The following ADCY9 variants were observed in gnomAD, a reference collection of about 807,000 sequenced individuals.
The protein encoded by ADCY9 is adenylate cyclase type 9.
Under a neutral mutation model 101.5 loss-of-function variants are expected in ADCY9, and 50 were observed. That is an observed-to-expected ratio of 0.49 (90% CI 0.39 to 0.62). The LOEUF (loss-of-function observed/expected upper bound fraction) is 0.62, where lower values mean the gene tolerates loss of function less well. Ranked by LOEUF, ADCY9 falls within the 20% of genes least tolerant of loss-of-function variation. The pLI is 0.00. For synonymous variants in ADCY9, 905 were observed against 769.3 expected (o/e 1.18, Z -2.92); for missense variants, 1,662 against 1,800.4 (o/e 0.92, Z 1.39).
At chr16:4,110,912 G>A (rs185137999) in intron 2 of ADCY9, among the ~76,000 whole-genome samples, 155 of 152,210 alleles carry the variant, frequency 1.0e-3, no homozygotes, top group African/African-American at 3.5e-3. Context: ...TCCTCAATTC[G>A]GTCTGGCATC....
intron 9 of ADCY9, 101 bp from the exon 10 acceptor site, chr16:3,974,811 C>T (rs1222317391): frequency 3.9e-5 from 37 of 946,448 alleles, no homozygotes; most frequent in Middle Eastern, 2.2e-4. Context: ...CTTTTTTAGA[C>T]GTGGTTGTAC....
chr16:4,030,776 G>A (rs1281563503), intron 2 of ADCY9, among the ~76,000 whole-genome samples: 1 of 152,128 alleles, frequency 6.6e-6, no homozygotes, highest in Non-Finnish European at 1.5e-5. Flanking sequence ...GCAATTTATG[G>A]TGCCAGAAGT....
chr16:4,071,366 C>CAAAAAAAAAAAAAAAAAAAAAAAAAAA (rs1004438307), intron 2 of ADCY9, among the ~76,000 whole-genome samples: 4 of 89,248 alleles, frequency 4.5e-5, no homozygotes, highest in Non-Finnish European at 4.6e-5. Context: ...AAAAAAAAAT[C>CAAAAAAAAAAAAAAAAAAAAAAAAAAA]AAAAAAGTTG....
At chr16:4,009,397 A>G (rs1402027119) in intron 2 of ADCY9, among the ~76,000 whole-genome samples, 2 of 152,150 alleles carry the variant, frequency 1.3e-5, no homozygotes, top group Non-Finnish European at 1.5e-5. Flanking sequence ...CTGGGACTAC[A>G]AACGTCCGCC....
chr16:4,062,168 A>G (rs2056777309), intron 2 of ADCY9, among the ~76,000 whole-genome samples: 1 of 152,178 alleles, frequency 6.6e-6, no homozygotes, highest in African/African-American at 2.4e-5. Flanking sequence ...TTTAAAAGCT[A>G]TATATAGATC....
chr16:4,109,853 T>C (rs1281881891), intron 2 of ADCY9, among the ~76,000 whole-genome samples: 2 of 152,144 alleles, frequency 1.3e-5, no homozygotes, highest in African/African-American at 4.8e-5. Context: ...GCAAGTCAGA[T>C]CACCTAAGCC....
At chr16:4,076,746 G>A (rs2056869713) in intron 2 of ADCY9, among the ~76,000 whole-genome samples, 1 of 152,162 alleles carries the variant, frequency 6.6e-6, no homozygotes, top group Admixed American at 6.5e-5. Context: ...ACAAGGTCTT[G>A]CTCTGTTGCC....
intron 2 of ADCY9, among the ~76,000 whole-genome samples, chr16:4,104,380 T>A (rs759943288): frequency 9.9e-5 from 15 of 152,202 alleles, no homozygotes; most frequent in Non-Finnish European, 2.2e-4. Flanking sequence ...GCATTTAATA[T>A]AATAGTGTAC....
chr16:4,086,498 C>A (rs916622160), intron 2 of ADCY9, among the ~76,000 whole-genome samples: 1 of 152,026 alleles, frequency 6.6e-6, no homozygotes, highest in Non-Finnish European at 1.5e-5. Context: ...CGTGAGGAGA[C>A]GTCAGTGTCC....
Position 3,992,238 on chromosome 16 carries a change from C to T in ADCY9, c.2115G>A (p.Val705=). 6.2e-7 allele frequency: 1 copy of T among 1,614,234 alleles called. No individual in the cohort carries two copies. Residue 705 remains valine (V), a synonymous_variant, in exon 5 of 11, where the codon GTG becomes GTA. Coordinates refer to ENST00000294016, the MANE Select transcript of ADCY9 (RefSeq NM_001116.4). This position sits in a 1 kb window ranked among gnomAD's most constrained non-coding sequence, Gnocchi z 4.2. ...ILQEKGRWAG[V]SLDQSALLPL... is the part of the protein sequence containing the mutation. ...GAAGGAGAGCCGACTGGTCCAGGCT[C>T]ACCCCTGCCCACCTTCCCTTCTCCT...
At chr16:4,044,633 T>C (rs1052346209) in intron 2 of ADCY9, among the ~76,000 whole-genome samples, 1 of 151,984 alleles carries the variant, frequency 6.6e-6, no homozygotes, top group Non-Finnish European at 1.5e-5. Context: ...GCCACTTTAA[T>C]GTATATCAGT....
chr16:4,115,577 C>T lies in ADCY9; in HGVS notation c.-43-92G>A, dbSNP rs968417068. 2 of 1,098,536 alleles carry T rather than the reference C, an allele frequency of 1.8e-6. No individual in the cohort carries two copies. Among genetic ancestry groups the T allele is most frequent in the African/African-American group, 1.6e-5 (1 of 63,144 alleles). The allele number at this position is 1,098,536 out of a possible 1,614,324, so 68.0% of individuals were successfully genotyped here. On this transcript the variant is annotated intron_variant, in intron 1 of 10. Coordinates refer to ENST00000294016, the MANE Select transcript of ADCY9 (RefSeq NM_001116.4). The surrounding 1 kb of genome is among the most constrained non-coding windows in gnomAD (Gnocchi z 6.2). Reference sequence around the variant, plus strand: ...CTGCTCCTGTCCTAAGGGGCGGCTCCAGCACGCGACCTGGACAGGCACCAT... The same window carrying T: ...CTGCTCCTGTCCTAAGGGGCGGCTCTAGCACGCGACCTGGACAGGCACCAT...
At chr16:3,993,614 G>A (rs925609691) in intron 3 of ADCY9, 104 bp from the exon 4 acceptor site, 3 of 1,424,540 alleles carry the variant, frequency 2.1e-6, no homozygotes, top group Non-Finnish European at 2.9e-6. Flanking sequence ...CAGCATGGTG[G>A]TGAGCAAGGG....
intron 7 of ADCY9, 124 bp downstream of exon 7, chr16:3,983,108 C>T (rs2056158217): frequency 7.5e-6 from 7 of 927,336 alleles, no homozygotes; most frequent in Non-Finnish European, 1.1e-5. Context: ...GGGGACCCAT[C>T]TCCAGAAATC....
intron 2 of ADCY9, among the ~76,000 whole-genome samples, chr16:4,034,926 C>T (rs1597180716): frequency 6.6e-6 from 1 of 152,166 alleles, no homozygotes; most frequent in East Asian, 1.9e-4. Flanking sequence ...TCACCGCATA[C>T]CAGGTACCAG....
At chr16:4,041,510 A>C in intron 2 of ADCY9, among the ~76,000 whole-genome samples, 1 of 146,964 alleles carries the variant, frequency 6.8e-6, no homozygotes, top group South Asian at 2.1e-4. Context: ...TAAAACCAAA[A>C]AAAAAAAAAA....
intron 10 of ADCY9, among the ~76,000 whole-genome samples, chr16:3,970,243 C>T (rs2056039040): frequency 6.6e-6 from 1 of 152,174 alleles, no homozygotes; most frequent in Non-Finnish European, 1.5e-5. Context: ...CTTGCCCAGG[C>T]TGGTCTTGAA....
intron 6 of ADCY9, among the ~76,000 whole-genome samples, chr16:3,986,751 C>T (rs2056196551): frequency 6.6e-6 from 1 of 152,216 alleles, no homozygotes; most frequent in Admixed American, 6.5e-5. Flanking sequence ...AGCCACCGCG[C>T]CCGGCCATGT....
intron 6 of ADCY9, among the ~76,000 whole-genome samples, chr16:3,984,624 T>C (rs966969123): frequency 6.6e-6 from 1 of 152,206 alleles, no homozygotes; most frequent in African/African-American, 2.4e-5. Context: ...CATGGACCGG[T>C]TGACTCCTGA....
Sources: allele counts gnomAD v4.1 joint callset (sites outside exome capture counted in the v4.1 genomes callset), GRCh38; gene constraint gnomAD v4.1.1; non-coding constraint Gnocchi (gnomAD v3.1); transcripts MANE v1.5; gene names NCBI Gene and HGNC (gene_info 2026-07-23, HGNC 2026-07-21).